LRRC4C: variants seen among roughly 807,000 people sequenced by gnomAD.
LRRC4C encodes leucine rich repeat containing 4C.
LRRC4C carries 5 observed loss-of-function variants against 33.6 expected under a neutral mutation model. The observed-to-expected ratio is 0.15, with a 90% CI of 0.08 to 0.31. LRRC4C has a LOEUF of 0.31. Ranked by LOEUF, LRRC4C falls within the 10% of genes least tolerant of loss-of-function variation. The probability of loss-of-function intolerance (pLI) is 1.00; values close to 1 mark genes in which losing one functional copy is unlikely to be tolerated. For missense variants in LRRC4C, 560 were observed against 796.7 expected (o/e 0.70, Z 3.58); for synonymous variants, 329 against 302.0 (o/e 1.09, Z -0.93).
At chr11:41,214,834 G>GTA (rs2136338381) in intron 1 of LRRC4C, among the ~76,000 whole-genome samples, 1 of 145,850 alleles carries the variant, frequency 6.9e-6, no homozygotes, top group Non-Finnish European at 1.5e-5. Context: ...TTATATATAT[G>GTA]TATATATAAA....
rs138537856 is a variant in LRRC4C at position 41,025,448 on chromosome 11, A to G, written c.-495-91725T>C. Among the ~76,000 whole-genome samples the G allele has an allele frequency of 2.9e-3, 434 of 151,854 alleles. 3 individuals carry two copies. The highest frequency in any genetic ancestry group is 1.0e-2 in the African/African-American group (414 of 41,528). On this transcript the variant is annotated intron_variant, in intron 1 of 6. Transcript: ENST00000528697. ...CTGTATAAAAGATCAAGCAAACCAC[A>G]ACATTCCCTAAATGAAAGACTAATC...
At chr11:40,724,827 C>T (rs1226423121) in intron 2 of LRRC4C, among the ~76,000 whole-genome samples, 2 of 151,868 alleles carry the variant, frequency 1.3e-5, no homozygotes, top group East Asian at 1.9e-4. Context: ...AGAGGATAAA[C>T]AAGGTTGATA....
intron 3 of LRRC4C, among the ~76,000 whole-genome samples, chr11:40,508,808 T>A (rs1468453207): frequency 6.6e-6 from 1 of 152,214 alleles, no homozygotes; most frequent in African/African-American, 2.4e-5. Context: ...AGTGTCCTGT[T>A]AATTGTTATT....
chr11:40,132,097 G>C (rs374587709), intron 6 of LRRC4C, among the ~76,000 whole-genome samples: 119 of 152,244 alleles, frequency 7.8e-4, no homozygotes, highest in African/African-American at 2.8e-3. Context: ...ATTTATGGCT[G>C]CAAAAAAGTT....
chr11:40,801,338 G>A (rs1254733978), intron 2 of LRRC4C, among the ~76,000 whole-genome samples: 1 of 152,030 alleles, frequency 6.6e-6, no homozygotes, highest in Non-Finnish European at 1.5e-5. Flanking sequence ...AATATTCAAG[G>A]CACACCTTTA....
chr11:40,302,119 CT>C (rs1361010134), intron 4 of LRRC4C, among the ~76,000 whole-genome samples: 1 of 152,152 alleles, frequency 6.6e-6, no homozygotes, highest in Admixed American at 6.5e-5. Flanking sequence ...AATAAATATG[CT>C]TGTGGCTAAT....
chr11:40,996,670 A>G (rs1853996773), intron 1 of LRRC4C, among the ~76,000 whole-genome samples: 1 of 152,138 alleles, frequency 6.6e-6, no homozygotes, highest in Non-Finnish European at 1.5e-5. Flanking sequence ...CAGAGTGTAC[A>G]AGAAGCATGG....
At chr11:41,228,343 C>G (rs921645035) in intron 1 of LRRC4C, among the ~76,000 whole-genome samples, 1 of 151,880 alleles carries the variant, frequency 6.6e-6, no homozygotes, top group Non-Finnish European at 1.5e-5. Context: ...GAGATTTTTT[C>G]CCCATTTGGA....
At chr11:40,452,274 C>G (rs1211505764) in intron 3 of LRRC4C, among the ~76,000 whole-genome samples, 1 of 152,086 alleles carries the variant, frequency 6.6e-6, no homozygotes, top group East Asian at 1.9e-4. Context: ...TTTTTGCAGT[C>G]TACTCATCTG....
chr11:40,646,323 A>C (rs1942454723), intron 3 of LRRC4C, among the ~76,000 whole-genome samples: 1 of 152,204 alleles, frequency 6.6e-6, no homozygotes, highest in Non-Finnish European at 1.5e-5. Flanking sequence ...GAGTTGCAAA[A>C]AGTTTAAAGC....
At chr11:41,263,804 A>G (rs1481786297) in intron 1 of LRRC4C, among the ~76,000 whole-genome samples, 1 of 152,108 alleles carries the variant, frequency 6.6e-6, no homozygotes, top group African/African-American at 2.4e-5. Context: ...AACATATTCA[A>G]TGCATAAAAA....
chr11:41,223,170 A>C (rs759807815), intron 1 of LRRC4C, among the ~76,000 whole-genome samples: 2 of 152,212 alleles, frequency 1.3e-5, no homozygotes, highest in Non-Finnish European at 2.9e-5. Flanking sequence ...AGAAATAAAA[A>C]ATAAACCTGA....
intron 2 of LRRC4C, among the ~76,000 whole-genome samples, chr11:40,931,056 T>A (rs935045542): frequency 5.3e-5 from 8 of 152,230 alleles, no homozygotes; most frequent in African/African-American, 1.4e-4. Context: ...CTGTAGGTAA[T>A]TACAAGAAAC....
At chr11:41,418,301 C>T (rs1254712393) in intron 1 of LRRC4C, among the ~76,000 whole-genome samples, 1 of 151,882 alleles carries the variant, frequency 6.6e-6, no homozygotes, top group African/African-American at 2.4e-5. Flanking sequence ...ATTAGCCATT[C>T]ACAAGAAATA....
In LRRC4C at chr11:40,605,675, T is replaced by TCA. The variant is rs529680884; in HGVS notation, c.-270+42466_-270+42467insTG. Among the ~76,000 whole-genome samples, 449 of 152,194 alleles carry TCA rather than the reference T, an allele frequency of 3.0e-3. 3 individuals carry two copies. Among genetic ancestry groups the TCA allele is most frequent in the African/African-American group, 9.7e-3 (401 of 41,548 alleles). Reference sequence around the variant, plus strand: ...ATTTTGGGGTACCTGCCAAAGAAACTGCATCTCAGCAGTTTCTTTCTTACC... The same window carrying TCA: ...ATTTTGGGGTACCTGCCAAAGAAACTCAGCATCTCAGCAGTTTCTTTCTTACC... On this transcript the variant is annotated intron_variant, in intron 3 of 6. Coordinates refer to ENST00000528697, the MANE Select transcript of LRRC4C (RefSeq NM_001258419.2).
At chr11:41,254,403 T>A (rs1948735667) in intron 1 of LRRC4C, among the ~76,000 whole-genome samples, 1 of 152,046 alleles carries the variant, frequency 6.6e-6, no homozygotes, top group South Asian at 2.1e-4. Flanking sequence ...ATTCCTGAAA[T>A]ATTGTTTAGC....
intron 3 of LRRC4C, among the ~76,000 whole-genome samples, chr11:40,505,649 T>C (rs1273449975): frequency 3.3e-5 from 5 of 152,182 alleles, no homozygotes; most frequent in Admixed American, 6.6e-5. Context: ...ATTTCAGATG[T>C]ATGTCAGGCA....
chr11:40,555,751 AAAAGCCCTAGAATTC>A (rs1957309802), intron 3 of LRRC4C, among the ~76,000 whole-genome samples: 1 of 152,178 alleles, frequency 6.6e-6, no homozygotes, highest in African/African-American at 2.4e-5. Flanking sequence ...AGATAAGCAA[AAAAGCCCTAGAATTC>A]AAAGGGTTAA....
At chr11:40,633,909 A>G (rs1963731001) in intron 3 of LRRC4C, among the ~76,000 whole-genome samples, 1 of 152,238 alleles carries the variant, frequency 6.6e-6, no homozygotes, top group Admixed American at 6.5e-5. Context: ...CATATATGTG[A>G]AAATGAATTC....
Sources: gnomAD v4.1 joint callset for allele counts (sites outside exome capture counted in the v4.1 genomes callset) on GRCh38, gnomAD v4.1.1 for gene constraint, MANE v1.5 for transcripts, NCBI Gene and HGNC (gene_info 2026-07-23, HGNC 2026-07-21) for gene names.